Variants in GABRB1 observed in about 807,000 individuals in gnomAD.
The protein encoded by GABRB1 is gamma-aminobutyric acid type A receptor subunit beta1.
GABRB1 carries 17 observed loss-of-function variants against 51.6 expected under a neutral mutation model. The observed-to-expected ratio is 0.33, with a 90% CI of 0.23 to 0.49. The LOEUF is 0.49. GABRB1 is among the 20% of genes least tolerant of loss of function. The pLI, the probability that GABRB1 is intolerant of heterozygous loss-of-function variation, is 0.99. For synonymous variants in GABRB1, 247 were observed against 218.9 expected (o/e 1.13, Z -1.14); for missense variants, 410 against 600.6 (o/e 0.68, Z 3.32).
At position 47,182,870 on chromosome 4, in the gene GABRB1, C is replaced by T. The variant is rs866737060; in HGVS notation, c.461+21401C>T. Among the ~76,000 whole-genome samples the T allele has an allele frequency of 2.6e-5, 4 of 151,908 alleles. No homozygotes were observed. In the South Asian group the frequency reaches 6.2e-4, roughly 24 times the overall value. On this transcript the variant is annotated intron_variant, in intron 4 of 8. Coordinates refer to ENST00000295454, the MANE Select transcript of GABRB1 (RefSeq NM_000812.4). Reference sequence around the variant, plus strand: ...TGCTTTTACAAGCTAAACCTCAACACACAAAGCAAGCCAGACACATAAATT... The same window carrying T: ...TGCTTTTACAAGCTAAACCTCAACATACAAAGCAAGCCAGACACATAAATT...
chr4:47,096,930 C>T (rs1323798064), intron 3 of GABRB1, among the ~76,000 whole-genome samples: 1 of 152,172 alleles, frequency 6.6e-6, no homozygotes, highest in Non-Finnish European at 1.5e-5. Context: ...ATCTAACGCA[C>T]ACACAACTGT....
chr4:47,356,258 T>C (rs941228918), intron 5 of GABRB1, among the ~76,000 whole-genome samples: 1 of 128,360 alleles, frequency 7.8e-6, no homozygotes, highest in Non-Finnish European at 1.8e-5. Context: ...TGACAGCTAC[T>C]CCTTAAATAA....
At chr4:47,150,421 T>A (rs1289949161) in intron 3 of GABRB1, among the ~76,000 whole-genome samples, 1 of 151,412 alleles carries the variant, frequency 6.6e-6, no homozygotes, top group Admixed American at 6.6e-5. Context: ...TGCAGAATTG[T>A]TTTAGTTGTA....
chr4:47,401,365 T>C (rs868232174), intron 5 of GABRB1, among the ~76,000 whole-genome samples: 6 of 152,212 alleles, frequency 3.9e-5, no homozygotes, highest in Non-Finnish European at 5.9e-5. Context: ...TTTTTAACTT[T>C]CCCACATCCC....
chr4:46,996,706 G>A (rs1724009502), intron 1 of GABRB1, among the ~76,000 whole-genome samples: 1 of 152,106 alleles, frequency 6.6e-6, no homozygotes, highest in Non-Finnish European at 1.5e-5. Context: ...CTTCCCCATT[G>A]CCAGTTTCTA....
chr4:47,377,057 A>T (rs1275901348), intron 5 of GABRB1, among the ~76,000 whole-genome samples: 1 of 152,090 alleles, frequency 6.6e-6, no homozygotes, highest in Non-Finnish European at 1.5e-5. Flanking sequence ...AAAAAAGGGT[A>T]GAGAGTTCAT....
intron 4 of GABRB1, among the ~76,000 whole-genome samples, chr4:47,184,011 T>A (rs1021195462): frequency 1.1e-4 from 17 of 151,958 alleles, no homozygotes; most frequent in African/African-American, 4.1e-4. Flanking sequence ...TCCTAATTCA[T>A]CTACATTTGA....
chr4:47,036,288 C>T (rs1262305044), intron 3 of GABRB1, among the ~76,000 whole-genome samples: 1 of 152,180 alleles, frequency 6.6e-6, no homozygotes, highest in Non-Finnish European at 1.5e-5. Flanking sequence ...CTGGAAGTTT[C>T]TGGTACATAC....
intron 1 of GABRB1, among the ~76,000 whole-genome samples, chr4:47,002,582 T>A (rs563401418): frequency 2.6e-5 from 4 of 152,272 alleles, no homozygotes; most frequent in African/African-American, 9.6e-5. Flanking sequence ...TATGTGTTTT[T>A]TTTTCTGTAT....
intron 5 of GABRB1, among the ~76,000 whole-genome samples, chr4:47,349,297 A>C (rs1329420068): frequency 6.6e-6 from 1 of 152,152 alleles, no homozygotes; most frequent in Non-Finnish European, 1.5e-5. Flanking sequence ...GTATTTAATA[A>C]CTGGATAGAA....
intron 4 of GABRB1, among the ~76,000 whole-genome samples, chr4:47,183,509 G>A (rs551246865): frequency 6.6e-5 from 10 of 151,266 alleles, no homozygotes; most frequent in African/African-American, 1.2e-4. Context: ...TCTGTCTTCT[G>A]GACCTGTGAC....
chr4:47,315,974 C>A (rs1020251318), intron 4 of GABRB1, among the ~76,000 whole-genome samples: 2 of 151,702 alleles, frequency 1.3e-5, no homozygotes, highest in Admixed American at 1.3e-4. Context: ...GTCTGTACAC[C>A]AAATCCCTGT....
intron 4 of GABRB1, among the ~76,000 whole-genome samples, chr4:47,306,062 G>T (rs1190404571): frequency 1.3e-5 from 2 of 151,990 alleles, no homozygotes; most frequent in Non-Finnish European, 1.5e-5. Context: ...TTATCTGTTT[G>T]TCTAAGGATA....
intron 4 of GABRB1, among the ~76,000 whole-genome samples, chr4:47,210,308 G>A (rs552317888): frequency 6.6e-6 from 1 of 152,202 alleles, no homozygotes; most frequent in African/African-American, 2.4e-5. Context: ...CTAATGCCAA[G>A]AGCTGAAATG....
intron 8 of GABRB1, among the ~76,000 whole-genome samples, chr4:47,425,437 G>A (rs887859012): frequency 6.6e-6 from 1 of 150,996 alleles, no homozygotes; most frequent in Admixed American, 6.6e-5. Flanking sequence ...TGTGAGTGGA[G>A]ACAGATGATA....
At chr4:47,094,480 C>A (rs1714296856) in intron 3 of GABRB1, among the ~76,000 whole-genome samples, 1 of 151,880 alleles carries the variant, frequency 6.6e-6, no homozygotes, top group Admixed American at 6.6e-5. Context: ...GCCTCGGCCT[C>A]CCAAAGTACT....
At chr4:47,115,495 GA>G (rs60346080) in intron 3 of GABRB1, among the ~76,000 whole-genome samples, 4,919 of 151,562 alleles carry the variant, frequency 0.032, 376 homozygotes, top group East Asian at 0.17. Flanking sequence ...GACTTTTTAT[GA>G]TTTTTTAAAT....
intron 4 of GABRB1, among the ~76,000 whole-genome samples, chr4:47,293,950 T>C (rs746860188): frequency 6.6e-6 from 1 of 152,236 alleles, no homozygotes; most frequent in Non-Finnish European, 1.5e-5. Flanking sequence ...TGACCTTATA[T>C]ATTCTTTTAA....
intron 5 of GABRB1, among the ~76,000 whole-genome samples, chr4:47,325,881 C>G (rs1313017195): frequency 6.6e-6 from 1 of 152,098 alleles, no homozygotes; most frequent in Non-Finnish European, 1.5e-5. Flanking sequence ...TATGTTGAAA[C>G]CTAGCCCCCA....
Sources: gnomAD v4.1 joint callset for allele counts (sites outside exome capture counted in the v4.1 genomes callset) on GRCh38, gnomAD v4.1.1 for gene constraint, MANE v1.5 for transcripts, NCBI Gene and HGNC (gene_info 2026-07-23, HGNC 2026-07-21) for gene names.